Variants in LUZP2 observed in about 807,000 individuals in gnomAD.
LUZP2 encodes the protein leucine zipper protein 2.
Under a neutral mutation model 51.6 loss-of-function variants are expected in LUZP2, and 52 were observed. The ratio of observed to expected loss-of-function variants is 1.01; its 90% confidence interval spans 0.81 to 1.27. The LOEUF (loss-of-function observed/expected upper bound fraction) is 1.27. Among genes scored for constraint, LUZP2 ranks in the 50% most tolerant of loss-of-function variants. The pLI is 0.00. For synonymous variants in LUZP2, 154 were observed against 137.3 expected, an observed-to-expected ratio of 1.12 and a Z score of -0.85; for missense variants, 436 against 395.4, an observed-to-expected ratio of 1.10 and a Z score of -0.87.
At chr11:24,725,027 C>G (rs1858420407) in intron 1 of LUZP2, among the ~76,000 whole-genome samples, 1 of 152,122 alleles carries the variant, frequency 6.6e-6, no homozygotes. Context: ...TGATTGTTAT[C>G]TATTTCCCTA....
intron 3 of LUZP2, among the ~76,000 whole-genome samples, chr11:24,732,538 T>G (rs938538012): frequency 1.3e-5 from 2 of 151,668 alleles, no homozygotes; most frequent in African/African-American, 4.8e-5. Flanking sequence ...TTGACCTAAA[T>G]GGACCATGTT....
intron 9 of LUZP2, among the ~76,000 whole-genome samples, chr11:25,005,920 A>G (rs1203963077): frequency 1.3e-5 from 2 of 152,114 alleles, no homozygotes; most frequent in Admixed American, 6.6e-5. Flanking sequence ...CCCCTGTCCT[A>G]TAAAGATGTT....
intron 7 of LUZP2, among the ~76,000 whole-genome samples, chr11:24,934,014 A>C (rs750338017): frequency 3.9e-4 from 60 of 152,208 alleles, no homozygotes; most frequent in Non-Finnish European, 8.7e-4. Flanking sequence ...GGGAGGGTGT[A>C]TCGTACAAAG....
In LUZP2 at chr11:24,656,398, G is replaced by T. The variant is rs1030634557; in HGVS notation, c.63-72771G>T. Among the ~76,000 whole-genome samples the T allele has an allele frequency of 2.0e-5, 3 of 152,258 alleles. No individual in the cohort carries two copies. In the South Asian group the frequency reaches 6.2e-4, roughly 32 times the overall value. ...GTTTAGATAGGTAGATAGAGGCTTG[G>T]TTACCTAAGCCCGTATGGATTATTG... On this transcript the variant is annotated intron_variant, in intron 1 of 11. Transcript: ENST00000336930.
intron 5 of LUZP2, among the ~76,000 whole-genome samples, chr11:24,884,706 C>T (rs1289468475): frequency 6.6e-6 from 1 of 151,950 alleles, no homozygotes; most frequent in East Asian, 1.9e-4. Flanking sequence ...CCCCTCTTGC[C>T]ATTTCCTATT....
At chr11:24,541,013 G>A (rs1473503924) in intron 1 of LUZP2, among the ~76,000 whole-genome samples, 2 of 152,090 alleles carry the variant, frequency 1.3e-5, no homozygotes, top group African/African-American at 4.8e-5. Context: ...AGCAGTTTGG[G>A]AGGCCAAGGC....
intron 5 of LUZP2, among the ~76,000 whole-genome samples, chr11:24,808,807 A>C (rs985435257): frequency 6.6e-6 from 1 of 152,170 alleles, no homozygotes; most frequent in African/African-American, 2.4e-5. Flanking sequence ...AAATATTTTT[A>C]GTTTAAATTC....
At chr11:24,527,388 T>C (rs2133815524) in intron 1 of LUZP2, among the ~76,000 whole-genome samples, 1 of 151,394 alleles carries the variant, frequency 6.6e-6, no homozygotes, top group East Asian at 1.9e-4. Context: ...GTAATTTTAT[T>C]TATTAAAATA....
At chr11:24,753,492 G>A (rs1191939676) in intron 4 of LUZP2, among the ~76,000 whole-genome samples, 1 of 152,096 alleles carries the variant, frequency 6.6e-6, no homozygotes, top group Non-Finnish European at 1.5e-5. Flanking sequence ...AAAGATTAGA[G>A]TCCTATTTAG....
intron 5 of LUZP2, among the ~76,000 whole-genome samples, chr11:24,808,364 A>T (rs1409027391): frequency 1.3e-5 from 2 of 152,096 alleles, no homozygotes; most frequent in Non-Finnish European, 2.9e-5. Flanking sequence ...ATTTGCAATG[A>T]ACTCGATTCT....
At chr11:24,562,980 A>G (rs1254191895) in intron 1 of LUZP2, among the ~76,000 whole-genome samples, 1 of 152,210 alleles carries the variant, frequency 6.6e-6, no homozygotes, top group Non-Finnish European at 1.5e-5. Flanking sequence ...GGCTTCTTGC[A>G]TTTCTGCAAA....
At chr11:24,960,291 T>C (rs184663495) in intron 7 of LUZP2, among the ~76,000 whole-genome samples, 16 of 152,314 alleles carry the variant, frequency 1.1e-4, no homozygotes, top group South Asian at 4.2e-4. Context: ...GATTCCCTCT[T>C]TTTCTATTGA....
intron 5 of LUZP2, chr11:24,892,136 G>A (rs892285806): frequency 7.1e-6 from 7 of 985,406 alleles, no homozygotes; most frequent in Middle Eastern, 5.1e-4. Context: ...AGCTAGACTC[G>A]TTTGCTTGTT....
At chr11:24,959,218 G>C (rs1245609077) in intron 7 of LUZP2, among the ~76,000 whole-genome samples, 1 of 152,100 alleles carries the variant, frequency 6.6e-6, no homozygotes, top group African/African-American at 2.4e-5. Flanking sequence ...TTTTGGCTTA[G>C]GATTGACTTG....
At chr11:24,833,251 CTG>C (rs1850751980) in intron 5 of LUZP2, among the ~76,000 whole-genome samples, 1 of 152,156 alleles carries the variant, frequency 6.6e-6, no homozygotes, top group Non-Finnish European at 1.5e-5. Context: ...ATTTCTATCT[CTG>C]TAACAATTTT....
intron 5 of LUZP2, among the ~76,000 whole-genome samples, chr11:24,784,097 A>G (rs528199590): frequency 1.3e-5 from 2 of 152,006 alleles, no homozygotes; most frequent in Admixed American, 6.6e-5. Context: ...TTCATGTTCA[A>G]TTTCTTGTGA....
chr11:24,657,367 G>A (rs1178752612), intron 1 of LUZP2, among the ~76,000 whole-genome samples: 1 of 151,888 alleles, frequency 6.6e-6, no homozygotes. Flanking sequence ...TTTAGAACTA[G>A]GATTCAACAA....
chr11:24,997,901 C>G (rs28889925), intron 9 of LUZP2, among the ~76,000 whole-genome samples: 58,718 of 151,670 alleles, frequency 0.39, 13,582 homozygotes, highest in East Asian at 0.68. Context: ...GCTTGTTTTT[C>G]TCAGATTTGT....
intron 5 of LUZP2, among the ~76,000 whole-genome samples, chr11:24,860,784 C>T (rs1020779120): frequency 8.5e-5 from 13 of 152,096 alleles, no homozygotes; most frequent in African/African-American, 3.1e-4. Context: ...AAGGCCCCCC[C>T]AAAAACCCTC....
Sources: gnomAD v4.1 joint callset for allele counts (sites outside exome capture counted in the v4.1 genomes callset) on GRCh38, gnomAD v4.1.1 for gene constraint, MANE v1.5 for transcripts, NCBI Gene and HGNC (gene_info 2026-07-23, HGNC 2026-07-21) for gene names.